BTBD9: variants seen among roughly 807,000 people sequenced by gnomAD.
BTBD9 encodes the protein BTB/POZ domain-containing protein 9.
BTBD9 carries 49 observed loss-of-function variants against 64.3 expected under a neutral mutation model. The observed-to-expected ratio is 0.76, with a 90% CI of 0.61 to 0.97. BTBD9 has a LOEUF of 0.97. Among genes scored for constraint, BTBD9 ranks in the 50% least tolerant of loss-of-function variants. The pLI is 0.00. For missense variants in BTBD9, 598 were observed against 762.1 expected, an observed-to-expected ratio of 0.78 and a Z score of 2.53; for synonymous variants, 260 against 274.7, an observed-to-expected ratio of 0.95 and a Z score of 0.53.
intron 1 of BTBD9, among the ~76,000 whole-genome samples, chr6:38,631,397 G>A (rs1446738628): frequency 6.6e-6 from 1 of 152,202 alleles, no homozygotes; most frequent in Non-Finnish European, 1.5e-5. Flanking sequence ...CTCAAAAAAG[G>A]TGGAACCTAA....
intron 3 of BTBD9, among the ~76,000 whole-genome samples, chr6:38,593,413 A>C (rs1174387762): frequency 1.3e-5 from 2 of 152,222 alleles, no homozygotes; most frequent in East Asian, 3.8e-4. Flanking sequence ...TTCTCATTAG[A>C]AATATCCAGG....
intron 10 of BTBD9, among the ~76,000 whole-genome samples, chr6:38,180,343 G>T (rs1376033294): frequency 1.3e-5 from 2 of 152,216 alleles, no homozygotes; most frequent in African/African-American, 4.8e-5. Context: ...GGAGAGGAGT[G>T]TGAGGGAAGG....
chr6:38,541,776 G>A (rs187293878), intron 6 of BTBD9, among the ~76,000 whole-genome samples: 72 of 152,230 alleles, frequency 4.7e-4, no homozygotes, highest in African/African-American at 1.6e-3. Context: ...TTCTGGGATT[G>A]ACCCACATTG....
At chr6:38,526,183 G>A (rs887812956) in intron 6 of BTBD9, among the ~76,000 whole-genome samples, 1 of 152,258 alleles carries the variant, frequency 6.6e-6, no homozygotes, top group African/African-American at 2.4e-5. Context: ...ACAGTGCCCT[G>A]TATCGCACCT....
intron 8 of BTBD9, among the ~76,000 whole-genome samples, chr6:38,277,462 T>C (rs542230561): frequency 1.8e-4 from 27 of 151,880 alleles, no homozygotes; most frequent in African/African-American, 6.5e-4. Flanking sequence ...GCCTCCTGAG[T>C]AGCTGGGATT....
intron 9 of BTBD9, among the ~76,000 whole-genome samples, chr6:38,228,639 G>C (rs968197667): frequency 6.6e-6 from 1 of 151,906 alleles, no homozygotes; most frequent in African/African-American, 2.4e-5. Flanking sequence ...ACTTTGGGAG[G>C]CCGAGGTGGG....
At chr6:38,627,006 G>A (rs62396376) in intron 1 of BTBD9, among the ~76,000 whole-genome samples, 7,333 of 152,240 alleles carry the variant, frequency 0.048, 273 homozygotes, top group East Asian at 0.21. Context: ...TAATGTTTAC[G>A]TAATTAAACT....
At chr6:38,438,236 G>GGAAGGA (rs1562186824) in intron 6 of BTBD9, among the ~76,000 whole-genome samples, 19 of 41,856 alleles carry the variant, frequency 4.5e-4, no homozygotes, top group South Asian at 2.1e-3. Flanking sequence ...GGGAGGGAGG[G>GGAAGGA]AGGGAGGGAG....
At chr6:38,387,931 C>T (rs1562113980) in intron 6 of BTBD9, among the ~76,000 whole-genome samples, 1 of 152,152 alleles carries the variant, frequency 6.6e-6, no homozygotes, top group Non-Finnish European at 1.5e-5. Flanking sequence ...GTTCTCAGAA[C>T]TAGGTAGCAT....
chr6:38,323,187 G>T (rs1425843151), intron 7 of BTBD9, among the ~76,000 whole-genome samples: 1 of 152,142 alleles, frequency 6.6e-6, no homozygotes. Flanking sequence ...AAATCTTTGG[G>T]TCATGAAATT....
chr6:38,329,525 G>C (rs1334032518), intron 7 of BTBD9, among the ~76,000 whole-genome samples: 1 of 151,866 alleles, frequency 6.6e-6, no homozygotes, highest in African/African-American at 2.4e-5. Flanking sequence ...ATTTTGCCAT[G>C]TTGGCCAGGC....
intron 8 of BTBD9, among the ~76,000 whole-genome samples, chr6:38,286,112 G>T (rs944230541): frequency 2.0e-5 from 3 of 152,142 alleles, no homozygotes; most frequent in Non-Finnish European, 4.4e-5. Flanking sequence ...AAAGTAAGCT[G>T]GTCTGGCCTG....
At chr6:38,256,223 T>C (rs1190757384) in intron 9 of BTBD9, among the ~76,000 whole-genome samples, 186 bp downstream of exon 9, 2 of 152,138 alleles carry the variant, frequency 1.3e-5, no homozygotes, top group African/African-American at 2.4e-5. Flanking sequence ...CCCTGTTTGG[T>C]GACATCAAGT....
chr6:38,172,937 T>C lies in BTBD9; in HGVS notation c.*2048A>G, dbSNP rs1411921978. ...GGGCAGGGGACTGGAGGGTTGCAGA[T>C]GCAGGGCCGGGCAGCTCCTCCAGCA... On this transcript the variant is annotated 3_prime_UTR_variant, in exon 11 of 11. Coordinates refer to ENST00000481247, the MANE Select transcript of BTBD9 (RefSeq NM_001099272.2). 2.0e-5 allele frequency: 3 copies of C among 152,298 alleles called. No individual in the cohort carries two copies. The highest frequency in any genetic ancestry group is 2.9e-5 in the Non-Finnish European group (2 of 68,096). 9.4% of individuals were successfully genotyped at this position (152,298 alleles called of 1,614,324 possible). A position where few individuals can be genotyped will look rare whatever the true frequency, so the allele number is the denominator to read the frequency against.
At chr6:38,395,197 G>A (rs935603466) in intron 6 of BTBD9, among the ~76,000 whole-genome samples, 1 of 152,084 alleles carries the variant, frequency 6.6e-6, no homozygotes, top group Admixed American at 6.6e-5. Flanking sequence ...TTGGGAGGTT[G>A]AGGTGGGAGG....
At chr6:38,538,969 G>A (rs1774147959) in intron 6 of BTBD9, among the ~76,000 whole-genome samples, 1 of 151,994 alleles carries the variant, frequency 6.6e-6, no homozygotes, top group Non-Finnish European at 1.5e-5. Context: ...CAGGGGACAG[G>A]AGGGGTTGTT....
chr6:38,515,350 CAG>C (rs1202777031), intron 6 of BTBD9, among the ~76,000 whole-genome samples: 1 of 152,174 alleles, frequency 6.6e-6, no homozygotes, highest in East Asian at 1.9e-4. Flanking sequence ...TTCATACAAA[CAG>C]AGCCTGGGGC....
At chr6:38,294,517 C>G (rs1762088335) in intron 7 of BTBD9, among the ~76,000 whole-genome samples, 1 of 152,068 alleles carries the variant, frequency 6.6e-6, no homozygotes, top group Non-Finnish European at 1.5e-5. Context: ...ATGCATGGAG[C>G]TGGAAATCAT....
chr6:38,340,614 C>G (rs1459402038), intron 7 of BTBD9, among the ~76,000 whole-genome samples: 1 of 152,182 alleles, frequency 6.6e-6, no homozygotes, highest in South Asian at 2.1e-4. Context: ...AGGGAACCAC[C>G]TCTTTATTTT....
Sources: gnomAD v4.1 joint callset for allele counts (sites outside exome capture counted in the v4.1 genomes callset) on GRCh38, gnomAD v4.1.1 for gene constraint, MANE v1.5 for transcripts, NCBI Gene and HGNC (gene_info 2026-07-23, HGNC 2026-07-21) for gene names.